SPATA13: variants seen among roughly 807,000 people sequenced by gnomAD.
The protein encoded by SPATA13 is spermatogenesis associated 13, also known as spermatogenesis-associated protein 13.
SPATA13 carries 50 observed loss-of-function variants against 104.0 expected under a neutral mutation model. The ratio of observed to expected loss-of-function variants is 0.48; its 90% confidence interval spans 0.38 to 0.61. The LOEUF (loss-of-function observed/expected upper bound fraction) is 0.61. SPATA13 is among the 20% of genes least tolerant of loss of function. SPATA13 has a pLI of 0.00. For synonymous variants in SPATA13, 606 were observed against 667.5 expected (o/e 0.91, Z 1.42); for missense variants, 1,524 against 1,690.6 (o/e 0.90, Z 1.73).
chr13:24,174,285 T>G (rs1217291823), intron 1 of SPATA13, among the ~76,000 whole-genome samples: 1 of 152,130 alleles, frequency 6.6e-6, no homozygotes, highest in South Asian at 2.1e-4. Context: ...GAACAGCTCT[T>G]TGTTTAATTG....
At chr13:24,278,505 TG>T in intron 4 of SPATA13, 1 of 637,200 alleles carries the variant, frequency 1.6e-6, no homozygotes, top group Non-Finnish European at 2.4e-6. Flanking sequence ...CCCAAACTCC[TG>T]GGCTCAAGGG....
In SPATA13 at chr13:24,286,964, C is replaced by G. The variant is rs1262886510; in HGVS notation, c.2667+14C>G. On this transcript the variant is annotated intron_variant, in intron 7 of 12. Coordinates refer to ENST00000382108, the MANE Select transcript of SPATA13 (RefSeq NM_001166271.3). The surrounding 1 kb of genome is among the most constrained non-coding windows in gnomAD (Gnocchi z 4.9). ...GACATCTGTGAGGTGGGACGCCAGG[C>G]TGGGACCTCACTGAGGGTCACAGTA... The G allele has an allele frequency of 1.2e-6, 2 of 1,609,614 alleles. No individual in the cohort carries two copies. The highest frequency in any genetic ancestry group is 3.3e-5 in the Admixed American group (2 of 59,904).
In SPATA13 at chr13:24,223,225, C is replaced by T; in HGVS notation, c.296C>T (p.Ser99Phe). The T allele has an allele frequency of 6.4e-7, 1 of 1,551,736 alleles. No homozygotes were observed. ...CACTCCATGGTCCTGGTGGGGAACT[C>T]CTCCACATGGAACACCCTCGCCTCC... ...RPHSMVLVGN[S>F]STWNTLASFR... is the part of the protein sequence containing the mutation. Residue 99 changes from serine (S) to phenylalanine (F), a missense_variant, in exon 2 of 13, where the codon TCC (serine) becomes TTC (phenylalanine). Coordinates refer to ENST00000382108, the MANE Select transcript of SPATA13 (RefSeq NM_001166271.3).
intron 2 of SPATA13, among the ~76,000 whole-genome samples, chr13:23,998,963 TCACCCAGG>T (rs1875823413): frequency 6.6e-6 from 1 of 151,342 alleles, no homozygotes; most frequent in African/African-American, 2.4e-5. Context: ...TCTTGCTGTG[TCACCCAGG>T]CTGGAGTGAA....
intron 3 of SPATA13, among the ~76,000 whole-genome samples, chr13:24,091,929 T>C (rs1352321231): frequency 1.3e-5 from 2 of 152,144 alleles, no homozygotes; most frequent in East Asian, 3.8e-4. Context: ...TTCTCAGGCT[T>C]TCACAGGTCT....
intron 1 of SPATA13, among the ~76,000 whole-genome samples, chr13:24,187,488 G>A (rs992181921): frequency 1.3e-5 from 2 of 152,140 alleles, no homozygotes; most frequent in Admixed American, 6.5e-5. Context: ...TGCATTTTGC[G>A]GAAATTGCAC....
intron 12 of SPATA13, 59 bp downstream of exon 12, chr13:24,300,534 G>A: frequency 6.6e-7 from 1 of 1,507,428 alleles, no homozygotes; most frequent in South Asian, 1.2e-5. Flanking sequence ...CTGAAAATGG[G>A]AGCATACCCC....
chr13:24,185,014 C>T (rs763787894), intron 1 of SPATA13, among the ~76,000 whole-genome samples: 2 of 152,074 alleles, frequency 1.3e-5, no homozygotes, highest in Admixed American at 6.6e-5. Context: ...GCACTGGGGC[C>T]GTCTTTGAAA....
intron 4 of SPATA13, among the ~76,000 whole-genome samples, chr13:24,253,899 G>A (rs558614197): frequency 1.7e-4 from 26 of 152,304 alleles, no homozygotes; most frequent in African/African-American, 5.1e-4. Context: ...CAGGCTGGGA[G>A]GTGGGCTGAG....
At chr13:24,229,214 A>G (rs1872121632) in intron 2 of SPATA13, among the ~76,000 whole-genome samples, 1 of 152,234 alleles carries the variant, frequency 6.6e-6, no homozygotes, top group African/African-American at 2.4e-5. Context: ...GTGAGTGGAA[A>G]CTCAGGCAGC....
chr13:24,203,902 G>C (rs1870557159), intron 1 of SPATA13, among the ~76,000 whole-genome samples: 1 of 152,160 alleles, frequency 6.6e-6, no homozygotes, highest in Admixed American at 6.5e-5. Flanking sequence ...ACACTGTACT[G>C]TGTGTATATG....
chr13:24,254,860 A>T (rs893325050), intron 4 of SPATA13, among the ~76,000 whole-genome samples: 2 of 152,102 alleles, frequency 1.3e-5, no homozygotes, highest in African/African-American at 4.8e-5. Flanking sequence ...GCAAGTATCA[A>T]GATGACTAGG....
chr13:24,141,597 G>C (rs377416068), intron 3 of SPATA13, among the ~76,000 whole-genome samples: 1 of 152,150 alleles, frequency 6.6e-6, no homozygotes, highest in Non-Finnish European at 1.5e-5. Context: ...CACTAGGGCA[G>C]TCCCTGTGAT....
At chr13:23,984,647 A>G (rs1875063447) in intron 2 of SPATA13, among the ~76,000 whole-genome samples, 1 of 152,180 alleles carries the variant, frequency 6.6e-6, no homozygotes, top group Admixed American at 6.5e-5. Flanking sequence ...CAGGGCTCCA[A>G]TGCACCTGGT....
At chr13:24,125,569 G>T (rs374872160) in intron 3 of SPATA13, among the ~76,000 whole-genome samples, 13 of 152,256 alleles carry the variant, frequency 8.5e-5, no homozygotes, top group South Asian at 6.2e-4. Flanking sequence ...GTGGTTTAAG[G>T]AGCGAGGGAG....
intron 2 of SPATA13, among the ~76,000 whole-genome samples, chr13:23,987,604 G>T (rs1189670779): frequency 6.6e-6 from 1 of 152,150 alleles, no homozygotes; most frequent in Non-Finnish European, 1.5e-5. Flanking sequence ...ATTATGTGTT[G>T]ACTAATTAGA....
intron 3 of SPATA13, among the ~76,000 whole-genome samples, chr13:24,083,844 T>C (rs1210506763): frequency 6.6e-6 from 1 of 152,150 alleles, no homozygotes; most frequent in Non-Finnish European, 1.5e-5. Flanking sequence ...GGCTGCTCCT[T>C]CCCTTGTCAC....
chr13:24,138,411 T>A (rs1881645434), intron 3 of SPATA13, among the ~76,000 whole-genome samples: 2 of 152,220 alleles, frequency 1.3e-5, no homozygotes, highest in Admixed American at 1.3e-4. Context: ...GTGCGTCAGT[T>A]TTCCTAGGAC....
chr13:23,998,107 T>C (rs945897696), intron 2 of SPATA13, among the ~76,000 whole-genome samples: 10 of 152,212 alleles, frequency 6.6e-5, no homozygotes, highest in African/African-American at 2.2e-4. Context: ...CTAGGTCATG[T>C]GATATGTACG....
Sources: gnomAD v4.1 joint callset for allele counts (sites outside exome capture counted in the v4.1 genomes callset) on GRCh38, gnomAD v4.1.1 for gene constraint, Gnocchi (gnomAD v3.1) non-coding constraint, MANE v1.5 for transcripts, NCBI Gene and HGNC (gene_info 2026-07-23, HGNC 2026-07-21) for gene names.